The following SRBD1 variants were observed in gnomAD, a reference collection of about 807,000 sequenced individuals.
The protein encoded by SRBD1 is S1 RNA-binding domain-containing protein 1.
A neutral mutation model predicts 115.3 loss-of-function variants in SRBD1; 88 were observed. The ratio of observed to expected loss-of-function variants is 0.76; its 90% CI spans 0.64 to 0.91. The LOEUF is 0.91. Among genes scored for constraint, SRBD1 ranks in the 40% least tolerant of loss-of-function variants. The pLI, the probability that SRBD1 is intolerant of heterozygous loss-of-function variation, is 0.00. For missense variants in SRBD1, 1,385 were observed against 1,177.4 expected (o/e 1.18, Z -2.58); for synonymous variants, 509 against 407.7 (o/e 1.25, Z -2.99).
chr2:45,399,546 C>T lies in SRBD1; in HGVS notation c.2514-6417G>A, dbSNP rs144882365. Among the ~76,000 whole-genome samples, 346 of 152,190 alleles carry T rather than the reference C, an allele frequency of 2.3e-3. 2 individuals carry two copies. Among genetic ancestry groups the T allele is most frequent in the African/African-American group, 8.2e-3 (340 of 41,536 alleles). ...AGAGAGATTAAGAGACTTGCCCACACCTGACAACATAAGGTAGTAGTAGTG... is the reference window on the plus strand; with the variant it reads ...AGAGAGATTAAGAGACTTGCCCACATCTGACAACATAAGGTAGTAGTAGTG... On this transcript the variant is annotated intron_variant, in intron 19 of 20. Coordinates refer to ENST00000263736, the MANE Select transcript of SRBD1 (RefSeq NM_018079.5).
intron 4 of SRBD1, among the ~76,000 whole-genome samples, chr2:45,596,690 G>C (rs1348351124): frequency 6.6e-6 from 1 of 152,046 alleles, no homozygotes; most frequent in Non-Finnish European, 1.5e-5. Flanking sequence ...GCCTAGTACA[G>C]AGCCGAGCTC....
chr2:45,452,519 T>C (rs1572656496), intron 16 of SRBD1, among the ~76,000 whole-genome samples: 1 of 152,146 alleles, frequency 6.6e-6, no homozygotes, highest in Admixed American at 6.6e-5. Flanking sequence ...TTTAGTTAAA[T>C]ACCAATCACA....
rs1354567738 is a variant in SRBD1 at position 45,488,280 on chromosome 2, G to C, written c.1926C>G (p.Asn642Lys). ...TAGGGTCCAGCCCTGGCATCTCTTT[G>C]TTAGCTTCAGGGCTGACACTGTAGA... The part of the protein sequence containing the change: ...ASIYSVSPEA[N>K]KEMPGLDPNL... Residue 642 changes from asparagine to lysine, a missense_variant, in exon 15 of 21, where the codon AAC (asparagine) becomes AAG (lysine). Asn to Lys is a moderately conservative substitution (Grantham distance 94). Transcript: ENST00000263736. 2 of 1,613,798 alleles carry C rather than the reference G, an allele frequency of 1.2e-6. No homozygotes were observed. Among genetic ancestry groups the C allele is most frequent in the Non-Finnish European group, 1.7e-6 (2 of 1,179,904 alleles).
chr2:45,521,147 AG>A (rs966126604), intron 14 of SRBD1, among the ~76,000 whole-genome samples: 8 of 152,086 alleles, frequency 5.3e-5, no homozygotes, highest in African/African-American at 1.9e-4. Context: ...ACGTCCTGCA[AG>A]GGGAGTCAGG....
chr2:45,519,544 T>C (rs1184664853), intron 14 of SRBD1, among the ~76,000 whole-genome samples: 2 of 152,206 alleles, frequency 1.3e-5, no homozygotes, highest in African/African-American at 4.8e-5. Context: ...GATTATTCCA[T>C]TCATACTCTT....
intron 9 of SRBD1, among the ~76,000 whole-genome samples, chr2:45,564,175 T>A (rs1056859891): frequency 6.6e-6 from 1 of 152,090 alleles, no homozygotes; most frequent in Non-Finnish European, 1.5e-5. Flanking sequence ...ATTATATCAA[T>A]AGAATAAATA....
chr2:45,588,902 G>C (rs1182307811), intron 4 of SRBD1, among the ~76,000 whole-genome samples: 3 of 152,278 alleles, frequency 2.0e-5, no homozygotes, highest in Admixed American at 2.0e-4. Context: ...GCTTAAACTA[G>C]TTTGAGACAG....
intron 16 of SRBD1, among the ~76,000 whole-genome samples, chr2:45,423,411 C>G (rs935618497): frequency 6.6e-6 from 1 of 152,088 alleles, no homozygotes; most frequent in Non-Finnish European, 1.5e-5. Context: ...AATGCAAAAA[C>G]ACATTATTGT....
chr2:45,582,365 G>A (rs1673392592), intron 5 of SRBD1, among the ~76,000 whole-genome samples: 1 of 152,112 alleles, frequency 6.6e-6, no homozygotes, highest in East Asian at 1.9e-4. Context: ...CTTACTACAC[G>A]TTATTAGGTG....
Position 45,547,631 on chromosome 2 carries a change from A to AT in SRBD1, c.1676-20dup, listed in dbSNP as rs1672163635. The AT allele has an allele frequency of 6.3e-7, 1 of 1,587,032 alleles. No homozygotes were observed. Among genetic ancestry groups the AT allele is most frequent in the South Asian group, 1.1e-5 (1 of 87,470 alleles). ...ATCTGACCTTTAAAAAATGAAAAGAATAAGCCATTTTATAAGAAATTACAA... is the reference window on the plus strand; with the variant it reads ...ATCTGACCTTTAAAAAATGAAAAGAATTAAGCCATTTTATAAGAAATTACAA... On this transcript the variant is annotated intron_variant, in intron 12 of 20. Coordinates refer to ENST00000263736, the MANE Select transcript of SRBD1 (RefSeq NM_018079.5).
intron 16 of SRBD1, among the ~76,000 whole-genome samples, chr2:45,463,069 A>C (rs1405537652): frequency 1.3e-5 from 2 of 150,052 alleles, no homozygotes; most frequent in African/African-American, 4.9e-5. Flanking sequence ...CTCACTACAG[A>C]CTTTTATCAT....
chr2:45,569,569 T>C (rs1672946719), intron 9 of SRBD1: 1 of 152,160 alleles, frequency 6.6e-6, no homozygotes, highest in Non-Finnish European at 1.5e-5. Context: ...TTATTCTCTC[T>C]TTATAGCAGT....
intron 16 of SRBD1, among the ~76,000 whole-genome samples, chr2:45,468,648 A>G (rs1465902885): frequency 6.6e-6 from 1 of 152,144 alleles, no homozygotes; most frequent in Non-Finnish European, 1.5e-5. Flanking sequence ...TCGGCCTCCC[A>G]AAGTGTTGGG....
At chr2:45,517,723 G>A (rs1671162763) in intron 14 of SRBD1, among the ~76,000 whole-genome samples, 1 of 152,146 alleles carries the variant, frequency 6.6e-6, no homozygotes. Context: ...GGCTGGGCGT[G>A]GTGGCTCACA....
intron 14 of SRBD1, among the ~76,000 whole-genome samples, chr2:45,514,469 AC>A (rs898007573): frequency 2.6e-5 from 4 of 152,212 alleles, no homozygotes; most frequent in African/African-American, 9.6e-5. Flanking sequence ...AGGGAAAAAA[AC>A]GACTGCTTTA....
At chr2:45,426,422 G>A (rs943273042) in intron 16 of SRBD1, among the ~76,000 whole-genome samples, 2 of 152,198 alleles carry the variant, frequency 1.3e-5, no homozygotes, top group Non-Finnish European at 2.9e-5. Context: ...TGTGGGCGCA[G>A]CTTCAGCAGA....
At chr2:45,609,742 G>A (rs1674385873) in intron 1 of SRBD1, among the ~76,000 whole-genome samples, 1 of 152,022 alleles carries the variant, frequency 6.6e-6, no homozygotes, top group South Asian at 2.1e-4. Context: ...AACATTTCAG[G>A]CCTAAAATAG....
chr2:45,577,022 A>T (rs1673200023), intron 7 of SRBD1, among the ~76,000 whole-genome samples: 1 of 152,098 alleles, frequency 6.6e-6, no homozygotes, highest in African/African-American at 2.4e-5. Context: ...TACTTGTTAA[A>T]ACTATGAATG....
At chr2:45,557,243 T>C (rs958364949) in intron 10 of SRBD1, among the ~76,000 whole-genome samples, 7 of 152,086 alleles carry the variant, frequency 4.6e-5, no homozygotes, top group African/African-American at 1.7e-4. Context: ...CCTGACGAGG[T>C]AGGAGAGAGA....
Sources: gnomAD v4.1 joint callset for allele counts (sites outside exome capture counted in the v4.1 genomes callset) on GRCh38, gnomAD v4.1.1 for gene constraint, MANE v1.5 for transcripts, NCBI Gene and HGNC (gene_info 2026-07-23, HGNC 2026-07-21) for gene names.